The following RNF180 variants were observed in gnomAD, a reference collection of about 807,000 sequenced individuals.
RNF180 encodes the protein E3 ubiquitin-protein ligase RNF180.
RNF180 carries 38 observed loss-of-function variants against 59.2 expected under a neutral mutation model. That is an observed-to-expected ratio of 0.64 (90% CI 0.50 to 0.84). RNF180 has a LOEUF of 0.84. Ranked by LOEUF, RNF180 falls within the 40% of genes least tolerant of loss-of-function variation. The probability of loss-of-function intolerance (pLI) is 0.00; values close to 1 mark genes in which losing one functional copy is unlikely to be tolerated. For missense variants in RNF180, 705 were observed against 700.9 expected, an observed-to-expected ratio of 1.01 and a Z score of -0.07; for synonymous variants, 262 against 240.3, an observed-to-expected ratio of 1.09 and a Z score of -0.84.
chr5:64,369,566 A>G, intron 7 of RNF180, 49 bp from the exon 8 acceptor site: 10 of 1,181,598 alleles, frequency 8.5e-6, no homozygotes, highest in Non-Finnish European at 1.1e-5. Context: ...TTCTTTTCTG[A>G]GCACTAGCTT....
At chr5:64,175,092 C>G (rs889323623) in intron 1 of RNF180, among the ~76,000 whole-genome samples, 1 of 151,488 alleles carries the variant, frequency 6.6e-6, no homozygotes, top group African/African-American at 2.4e-5. Flanking sequence ...CTCAGCCTTC[C>G]AAATAGCTGG....
chr5:64,304,450 C>T (rs1484661020), intron 5 of RNF180, among the ~76,000 whole-genome samples: 2 of 151,442 alleles, frequency 1.3e-5, no homozygotes, highest in Non-Finnish European at 3.0e-5. Context: ...TGAGAGGGTG[C>T]AAATAACATT....
intron 1 of RNF180, among the ~76,000 whole-genome samples, chr5:64,182,778 A>G (rs1414182458): frequency 6.6e-6 from 1 of 152,216 alleles, no homozygotes; most frequent in African/African-American, 2.4e-5. Context: ...GCAAAGAAAA[A>G]GTTTAAAGTA....
chr5:64,280,811 A>G (rs1741972890), intron 5 of RNF180, among the ~76,000 whole-genome samples: 2 of 152,158 alleles, frequency 1.3e-5, no homozygotes, highest in Admixed American at 1.3e-4. Context: ...TGCATTTTAG[A>G]ATAGTTTTTC....
chr5:64,221,200 T>C (rs1741308317), intron 5 of RNF180, among the ~76,000 whole-genome samples: 1 of 152,014 alleles, frequency 6.6e-6, no homozygotes, highest in Admixed American at 6.6e-5. Context: ...ATCCAAATAT[T>C]GGAGAATTAT....
At chr5:64,188,840 G>C (rs1334034930) in intron 1 of RNF180, among the ~76,000 whole-genome samples, 1 of 152,066 alleles carries the variant, frequency 6.6e-6, no homozygotes, top group Non-Finnish European at 1.5e-5. Flanking sequence ...TACTGTTATG[G>C]ACTGAATTGT....
chr5:64,217,364 A>T lies in RNF180; in HGVS notation c.1195A>T (p.Lys399Ter), dbSNP rs1162408036. The T allele has an allele frequency of 6.4e-6, 9 of 1,409,182 alleles. No individual in the cohort carries two copies. The highest frequency in any genetic ancestry group is 8.4e-6 in the Non-Finnish European group (9 of 1,076,994). 87.3% of individuals were successfully genotyped at this position (1,409,182 alleles called of 1,614,324 possible). A position where few individuals can be genotyped will look rare whatever the true frequency, so the allele number is the denominator to read the frequency against. Residue 399 changes from lysine (K) to a stop codon, truncating the protein, a stop_gained, in exon 5 of 8, where the codon AAA (lysine) becomes TAA (stop). Transcript: ENST00000389100. LOFTEE classifies it high-confidence loss of function. ...RRERWLQKQG[K>*]YSGVGLLDHM... Reference sequence around the variant, plus strand: ...ACCTAATTTTTTATTTCTCTAGGGTAAATACTCAGGAGTGGGATTGCTGGA... The same window carrying T: ...ACCTAATTTTTTATTTCTCTAGGGTTAATACTCAGGAGTGGGATTGCTGGA...
Position 64,241,487 on chromosome 5 carries a change from G to A in RNF180, c.1227+24091G>A, listed in dbSNP as rs144807416. Among the ~76,000 whole-genome samples, 211 of 152,292 alleles carry A rather than the reference G, an allele frequency of 1.4e-3. 6 individuals are homozygous for A. In the East Asian group the frequency reaches 0.037, roughly 26 times the overall value. On this transcript the variant is annotated intron_variant, in intron 5 of 7. Transcript: ENST00000389100. Reference sequence around the variant, plus strand: ...GCAGCCTACAAGTTCAGACATTTTAGTACATAAGGAAATGAACCCCAATTT... The same window carrying A: ...GCAGCCTACAAGTTCAGACATTTTAATACATAAGGAAATGAACCCCAATTT...
rs529316194 is a variant in RNF180, at chr5:64,214,605, TA to T, written c.1191+93del. 9.9e-4 allele frequency: 1,198 copies of T among 1,213,726 alleles called. 11 individuals carry two copies. The African/African-American group carries it at 0.017, about 17-fold the overall frequency. 75.2% of individuals were successfully genotyped at this position (1,213,726 alleles called of 1,614,324 possible). On this transcript the variant is annotated intron_variant, in intron 4 of 7. Coordinates refer to ENST00000389100, the MANE Select transcript of RNF180 (RefSeq NM_001113561.2). ...GAGCTAACTTTCAACATCTGTATAATAAAAACTTGGTTTTAGTAATTCTGGA... is the reference window on the plus strand; with the variant it reads ...GAGCTAACTTTCAACATCTGTATAATAAAACTTGGTTTTAGTAATTCTGGA...
At chr5:64,301,342 C>T (rs982244180) in intron 5 of RNF180, among the ~76,000 whole-genome samples, 19 of 151,650 alleles carry the variant, frequency 1.3e-4, no homozygotes, top group African/African-American at 2.9e-4. Context: ...GATCTGCAAA[C>T]GTCAAAATTT....
At chr5:64,352,918 CCTT>C (rs1745874170) in intron 7 of RNF180, among the ~76,000 whole-genome samples, 1 of 151,818 alleles carries the variant, frequency 6.6e-6, no homozygotes, top group Non-Finnish European at 1.5e-5. Flanking sequence ...AAAGCTACGG[CCTT>C]CTTTTTTTAT....
intron 1 of RNF180, among the ~76,000 whole-genome samples, chr5:64,198,420 A>G (rs1751562996): frequency 6.6e-6 from 1 of 152,240 alleles, no homozygotes; most frequent in African/African-American, 2.4e-5. Flanking sequence ...CAAGACCAAA[A>G]CTAGATCTAT....
chr5:64,185,939 T>C (rs1469646532), intron 1 of RNF180, among the ~76,000 whole-genome samples: 2 of 152,198 alleles, frequency 1.3e-5, no homozygotes, highest in African/African-American at 2.4e-5. Context: ...GTGCTAGGAA[T>C]GTAAAACTCT....
intron 7 of RNF180, among the ~76,000 whole-genome samples, chr5:64,335,764 T>C (rs1745099448): frequency 6.6e-6 from 1 of 152,144 alleles, no homozygotes; most frequent in African/African-American, 2.4e-5. Flanking sequence ...TGCTCTTCCA[T>C]ATAAATTTTT....
In RNF180 at chr5:64,219,819, G is replaced by A. The variant is rs143019367; in HGVS notation, c.1227+2423G>A. On this transcript the variant is annotated intron_variant, in intron 5 of 7. Transcript: ENST00000389100. ...CAGGCGTGAGCCACCGCGCCTGGCC[G>A]AGGATAACATTTTTTTACTTAAATC... 3.5e-3 allele frequency among the ~76,000 whole-genome samples: 529 copies of A among 152,014 alleles called. 2 individuals are homozygous for A. Among genetic ancestry groups the A allele is most frequent in the African/African-American group, 0.012 (478 of 41,476 alleles).
intron 5 of RNF180, among the ~76,000 whole-genome samples, chr5:64,270,682 C>A (rs1290892825): frequency 6.6e-6 from 1 of 152,066 alleles, no homozygotes; most frequent in Non-Finnish European, 1.5e-5. Flanking sequence ...TTACACCTTT[C>A]TGAAGCAGTA....
At chr5:64,191,458 T>A (rs1751153353) in intron 1 of RNF180, among the ~76,000 whole-genome samples, 3 of 152,138 alleles carry the variant, frequency 2.0e-5, no homozygotes, top group African/African-American at 7.2e-5. Context: ...TTCATCCTTC[T>A]CCTCCCCCCA....
chr5:64,276,417 C>A (rs2112371697), intron 5 of RNF180, among the ~76,000 whole-genome samples: 2 of 146,668 alleles, frequency 1.4e-5, no homozygotes, highest in African/African-American at 2.5e-5. Flanking sequence ...CACAAAGAAA[C>A]AAAGGAGAAA....
At chr5:64,177,567 GTATT>G (rs1750322738) in intron 1 of RNF180, among the ~76,000 whole-genome samples, 6 of 85,108 alleles carry the variant, frequency 7.0e-5, no homozygotes, top group South Asian at 4.2e-4. Context: ...ATATATATAT[GTATT>G]TATTTCTTTC....
Sources: allele counts gnomAD v4.1 joint callset (sites outside exome capture counted in the v4.1 genomes callset), GRCh38; gene constraint gnomAD v4.1.1; transcripts MANE v1.5; gene names NCBI Gene and HGNC (gene_info 2026-07-23, HGNC 2026-07-21).